The following C14orf39 variants were observed in gnomAD, a reference collection of about 807,000 sequenced individuals.
C14orf39 encodes the protein protein SIX6OS1.
Under a neutral mutation model 85.6 loss-of-function variants are expected in C14orf39, and 66 were observed. The observed-to-expected ratio is 0.77, with a 90% confidence interval of 0.63 to 0.95. C14orf39 has a LOEUF of 0.95. Among genes scored for constraint, C14orf39 ranks in the 40% least tolerant of loss-of-function variants. The pLI is 0.00. For synonymous variants in C14orf39, 242 were observed against 214.0 expected, an observed-to-expected ratio of 1.13 and a Z score of -1.14; for missense variants, 735 against 663.9, an observed-to-expected ratio of 1.11 and a Z score of -1.18.
intron 1 of C14orf39, among the ~76,000 whole-genome samples, chr14:60,485,698 T>C (rs1335197966): frequency 6.6e-6 from 1 of 151,682 alleles, no homozygotes; most frequent in Non-Finnish European, 1.5e-5. Flanking sequence ...GCAGTGGGAG[T>C]TCGCCGGCCG....
At chr14:60,471,836 C>A in intron 5 of C14orf39, 97 bp from the exon 6 acceptor site, 1 of 672,908 alleles carries the variant, frequency 1.5e-6, no homozygotes, top group Non-Finnish European at 2.4e-6. Context: ...AAAGGCAAAT[C>A]AAATGTCTTC....
chr14:60,469,498 A>G, intron 8 of C14orf39, 35 bp downstream of exon 8: 1 of 961,344 alleles, frequency 1.0e-6, no homozygotes, highest in Non-Finnish European at 1.5e-6. Flanking sequence ...TTATACATTA[A>G]TACACATATT....
At chr14:60,486,691 C>T (rs1320833449), upstream of C14orf39, among the ~76,000 whole-genome samples, 4 of 152,280 alleles carry the variant, frequency 2.6e-5, no homozygotes, top group East Asian at 7.7e-4. Context: ...GTATATTTCT[C>T]GTAGAAATGT....
At chr14:60,445,372 T>C (rs964554685) in intron 16 of C14orf39, among the ~76,000 whole-genome samples, 6 of 152,062 alleles carry the variant, frequency 3.9e-5, no homozygotes, top group Admixed American at 1.3e-4. Context: ...TGGAGGAAGA[T>C]ATACCAAGCA....
chr14:60,442,187 A>G, intron 16 of C14orf39, 56 bp from the exon 17 acceptor site: 1 of 1,090,542 alleles, frequency 9.2e-7, no homozygotes, highest in South Asian at 1.5e-5. Context: ...CAGTATATAT[A>G]GTACATATAT....
chr14:60,509,709 G>A, intron 1 of C14orf39: 1 of 1,614,146 alleles, frequency 6.2e-7, no homozygotes, highest in South Asian at 1.1e-5. Context: ...AAGCTGCGTG[G>A]AAGACCCCTG....
At chr14:60,508,779 C>G (rs1244010474) in intron 1 of C14orf39, among the ~76,000 whole-genome samples, 1 of 152,168 alleles carries the variant, frequency 6.6e-6, no homozygotes, top group African/African-American at 2.4e-5. Flanking sequence ...TGGCCCAGTC[C>G]TCTTTGTCCT....
intron 4 of C14orf39, among the ~76,000 whole-genome samples, chr14:60,481,594 T>C (rs1892640857): frequency 6.6e-6 from 1 of 152,208 alleles, no homozygotes; most frequent in African/African-American, 2.4e-5. Flanking sequence ...GTATGCGAGT[T>C]GATATTCTTA....
In C14orf39 at chr14:60,465,605, C is replaced by T. The variant is rs147670552; in HGVS notation, c.972+374G>A. Among the ~76,000 whole-genome samples the T allele has an allele frequency of 3.4e-3, 513 of 152,172 alleles. 1 individual carries two copies. Among genetic ancestry groups the T allele is most frequent in the African/African-American group, 0.012 (478 of 41,548 alleles). On this transcript the variant is annotated intron_variant, in intron 11 of 17. Transcript: ENST00000321731. Reference sequence around the variant, plus strand: ...ATCCGTATACCTTTATCTTGTAGAACGGTATTCTCCTATGCATGTCCTGGG... The same window carrying T: ...ATCCGTATACCTTTATCTTGTAGAATGGTATTCTCCTATGCATGTCCTGGG...
chr14:60,474,316 T>C (rs974729967), intron 5 of C14orf39, among the ~76,000 whole-genome samples: 1 of 151,946 alleles, frequency 6.6e-6, no homozygotes, highest in African/African-American at 2.4e-5. Context: ...ACAATGGTGT[T>C]TTCTAGATAT....
At chr14:60,459,391 T>C (rs1461947545) in intron 13 of C14orf39, among the ~76,000 whole-genome samples, 1 of 151,682 alleles carries the variant, frequency 6.6e-6, no homozygotes, top group Non-Finnish European at 1.5e-5. Flanking sequence ...TCTAGGTATA[T>C]ACCTAGGATC....
rs1018450084 is a variant in C14orf39 at position 60,462,617 on chromosome 14, G to T, written c.973-1024C>A. Among the ~76,000 whole-genome samples, 3 of 152,124 alleles carry T rather than the reference G, an allele frequency of 2.0e-5. No homozygotes were observed. In the East Asian group the frequency reaches 5.8e-4, roughly 29 times the overall value. On this transcript the variant is annotated intron_variant, in intron 11 of 17. Transcript: ENST00000321731. ...CTGTGCTCTTCAACTATAAGAAAAA[G>T]TGTCAACCTCCTTTAAAGAACAAGT...
At chr14:60,472,455 G>A (rs1363045953) in intron 5 of C14orf39, among the ~76,000 whole-genome samples, 1 of 152,048 alleles carries the variant, frequency 6.6e-6, no homozygotes, top group East Asian at 1.9e-4. Flanking sequence ...CAACGTGCAG[G>A]TTTGTTACAT....
intron 1 of C14orf39, among the ~76,000 whole-genome samples, chr14:60,485,540 C>A (rs970856238): frequency 6.6e-6 from 1 of 152,184 alleles, no homozygotes; most frequent in African/African-American, 2.4e-5. Flanking sequence ...AGAAACAGTG[C>A]GATTTCGCAT....
At chr14:60,450,680 C>T (rs974181815) in intron 16 of C14orf39, among the ~76,000 whole-genome samples, 1 of 152,096 alleles carries the variant, frequency 6.6e-6, no homozygotes, top group Non-Finnish European at 1.5e-5. Flanking sequence ...AGCGGGTAGC[C>T]AGGTAGTGGT....
At chr14:60,509,865 GC>G (rs1566690993) in intron 1 of C14orf39, 1 of 1,613,518 alleles carries the variant, frequency 6.2e-7, no homozygotes, top group Non-Finnish European at 8.5e-7. Flanking sequence ...CCTAACCCCA[GC>G]AAAAAACGTG....
chr14:60,486,949 A>G (rs1375099882), upstream of C14orf39, among the ~76,000 whole-genome samples: 3 of 151,942 alleles, frequency 2.0e-5, no homozygotes, highest in African/African-American at 7.3e-5. Context: ...GTGTGTGTGA[A>G]AAATCTTTTA....
intron 2 of C14orf39, among the ~76,000 whole-genome samples, chr14:60,497,388 A>AATTCTCCGT (rs11282738): frequency 3.3e-5 from 5 of 151,382 alleles, no homozygotes; most frequent in Admixed American, 2.0e-4. Context: ...GTACAGGCCC[A>AATTCTCCGT]ATGCACACAC....
chr14:60,466,579 T>C (rs1891800142), intron 10 of C14orf39, among the ~76,000 whole-genome samples: 1 of 151,954 alleles, frequency 6.6e-6, no homozygotes, highest in Non-Finnish European at 1.5e-5. Context: ...ACTATTAGCA[T>C]AAGTCTTTTA....
Sources: allele counts gnomAD v4.1 joint callset (sites outside exome capture counted in the v4.1 genomes callset), GRCh38; gene constraint gnomAD v4.1.1; transcripts MANE v1.5; gene names NCBI Gene and HGNC (gene_info 2026-07-23, HGNC 2026-07-21).